Variants in TNRC6C observed in about 807,000 individuals in gnomAD.
TNRC6C encodes the protein trinucleotide repeat-containing gene 6C protein.
TNRC6C carries 20 observed loss-of-function variants against 153.7 expected under a neutral mutation model. The observed-to-expected ratio is 0.13, with a 90% CI of 0.09 to 0.19. The LOEUF is 0.19. Among genes scored for constraint, TNRC6C ranks in the 10% least tolerant of loss-of-function variants. The pLI is 1.00. For missense variants in TNRC6C, 1,987 were observed against 2,172.0 expected, an observed-to-expected ratio of 0.91 and a Z score of 1.69; for synonymous variants, 811 against 841.4, an observed-to-expected ratio of 0.96 and a Z score of 0.63.
chr17:78,050,638 A>G (rs773838219), exon 3 of TNRC6C: 1 of 1,568,944 alleles, frequency 6.4e-7, no homozygotes, highest in East Asian at 2.2e-5. Context: ...TTGGGGAGAC[A>G]GCAACAACAA....
In TNRC6C at chr17:78,092,925, C is replaced by G. The variant is rs1250129851; in HGVS notation, c.3971-8C>G. ...CACTCGCTTCTTTGTTTCCTATTGT[C>G]CCCATAGGTGCTATCCCTGGAGGTC... On this transcript the variant is annotated splice_region_variant and splice_polypyrimidine_tract_variant and intron_variant, in intron 14 of 19. Transcript: ENST00000301624. 1.2e-6 allele frequency: 2 copies of G among 1,612,796 alleles called. No individual in the cohort carries two copies. The highest frequency in any genetic ancestry group is 1.1e-5 in the South Asian group (1 of 90,986).
At chr17:78,042,565 AT>A (rs67678607) in intron 2 of TNRC6C, among the ~76,000 whole-genome samples, 18,856 of 144,714 alleles carry the variant, frequency 0.13, 1,430 homozygotes, top group African/African-American at 0.24. Context: ...CATTTCACAG[AT>A]TTTTTTTTTT....
At chr17:78,008,507 G>A (rs553152485) in intron 1 of TNRC6C, 2 of 152,314 alleles carry the variant, frequency 1.3e-5, no homozygotes, top group East Asian at 1.9e-4. Context: ...AGCCCCGGGG[G>A]TTTTCACTCA....
At chr17:78,080,161 ATGT>A (rs2073153560) in intron 10 of TNRC6C, among the ~76,000 whole-genome samples, 1 of 152,224 alleles carries the variant, frequency 6.6e-6, no homozygotes, top group South Asian at 2.1e-4. Flanking sequence ...TAAGAAAAAA[ATGT>A]TGCCGGGCGC....
chr17:78,099,727 C>T (rs1567968100), intron 17 of TNRC6C, among the ~76,000 whole-genome samples: 1 of 152,186 alleles, frequency 6.6e-6, no homozygotes, highest in South Asian at 2.1e-4. Flanking sequence ...ATCTCATGTC[C>T]TCACATTTCA....
chr17:77,960,433 C>A (rs1315192671), intron 1 of TNRC6C, among the ~76,000 whole-genome samples: 2 of 152,140 alleles, frequency 1.3e-5, no homozygotes, highest in African/African-American at 4.8e-5. Flanking sequence ...TCGTACGTCC[C>A]TGAATGTAAT....
intron 1 of TNRC6C, among the ~76,000 whole-genome samples, chr17:77,979,968 A>G (rs1165856565): frequency 6.6e-6 from 1 of 152,210 alleles, no homozygotes; most frequent in East Asian, 1.9e-4. Flanking sequence ...GTATGAAGCA[A>G]AAATATCTTT....
exon 9 of TNRC6C, chr17:78,077,240 T>C (rs2073101143): frequency 1.9e-6 from 3 of 1,602,304 alleles, no homozygotes; most frequent in Non-Finnish European, 2.6e-6. Context: ...TCCCCAAGCC[T>C]GAAGCTCCCC....
intron 5 of TNRC6C, among the ~76,000 whole-genome samples, chr17:78,068,946 G>C (rs564578731): frequency 6.6e-5 from 10 of 152,012 alleles, no homozygotes; most frequent in Non-Finnish European, 1.5e-5. Context: ...ATTTCAAGTA[G>C]GTCACAAACT....
chr17:77,968,311 C>T (rs919354655), intron 1 of TNRC6C, among the ~76,000 whole-genome samples: 3 of 151,714 alleles, frequency 2.0e-5, no homozygotes, highest in Non-Finnish European at 4.4e-5. Flanking sequence ...GGATTACAGG[C>T]GTCAGCCACC....
intron 18 of TNRC6C, among the ~76,000 whole-genome samples, chr17:78,103,071 T>C (rs1312016930): frequency 6.6e-6 from 1 of 152,190 alleles, no homozygotes; most frequent in Non-Finnish European, 1.5e-5. Context: ...CCTGCACGTC[T>C]CCCAAGTCTG....
upstream of TNRC6C, among the ~76,000 whole-genome samples, chr17:77,958,940 C>T (rs952715667): frequency 2.2e-4 from 32 of 146,566 alleles, no homozygotes; most frequent in Non-Finnish European, 2.4e-4. Context: ...CAGCCGTCCG[C>T]AGCTGCCACC....
At chr17:78,081,029 G>A (rs1349900149) in intron 10 of TNRC6C, among the ~76,000 whole-genome samples, 4 of 152,122 alleles carry the variant, frequency 2.6e-5, no homozygotes, top group Non-Finnish European at 1.5e-5. Context: ...TGAATGTATT[G>A]CTTGCAGTTC....
At chr17:78,086,995 T>C in exon 13 of TNRC6C, 1 of 1,613,824 alleles carries the variant, frequency 6.2e-7, no homozygotes, top group Non-Finnish European at 8.5e-7. Context: ...AAATCGGCCA[T>C]GGACAGCTTC....
chr17:78,073,071 A>G lies in TNRC6C; in HGVS notation c.2894A>G (p.Asn965Ser), dbSNP rs1315724569. The change falls in exon 7 of 20, where the codon AAT (asparagine) becomes AGT (serine). Residue 965 changes from asparagine to serine, a missense_variant. Coordinates refer to ENST00000301624, the Ensembl canonical transcript of TNRC6C. The stretch of plus-strand genomic sequence containing the variant: ...GCTGAGGAGGCCTTGAAGAGTAACA[A>G]TATGAATCTTGATCAGGCCATGAGT... 3 of 1,557,192 alleles carry G rather than the reference A, an allele frequency of 1.9e-6. No individual in the cohort carries two copies. Among genetic ancestry groups the G allele is most frequent in the Non-Finnish European group, 2.6e-6 (3 of 1,149,490 alleles).
intron 2 of TNRC6C, among the ~76,000 whole-genome samples, chr17:78,038,100 G>A (rs1217583592): frequency 6.6e-6 from 1 of 152,110 alleles, no homozygotes; most frequent in Non-Finnish European, 1.5e-5. Context: ...GAAAGATGAC[G>A]TAAGAGAGTA....
At chr17:78,089,272 A>G (rs1360895528) in intron 13 of TNRC6C, among the ~76,000 whole-genome samples, 1 of 152,192 alleles carries the variant, frequency 6.6e-6, no homozygotes, top group African/African-American at 2.4e-5. Flanking sequence ...CCGACCACTT[A>G]TCTTTACTCT....
chr17:78,019,095 G>T (rs886335755), intron 1 of TNRC6C, among the ~76,000 whole-genome samples: 4 of 152,146 alleles, frequency 2.6e-5, no homozygotes, highest in African/African-American at 9.7e-5. Context: ...AAGGAAGGAA[G>T]GTCGGGGGCC....
At chr17:78,093,753 C>G (rs1288962604) in exon 16 of TNRC6C, 4 of 1,613,774 alleles carry the variant, frequency 2.5e-6, no homozygotes, top group Admixed American at 1.7e-5. Flanking sequence ...GCTACCTCCT[C>G]AAGAGTGGAG....
Sources: allele counts gnomAD v4.1 joint callset (sites outside exome capture counted in the v4.1 genomes callset), GRCh38; gene constraint gnomAD v4.1.1; transcripts MANE v1.5; gene names NCBI Gene and HGNC (gene_info 2026-07-23, HGNC 2026-07-21).